Variants in DNAH3 observed in about 807,000 individuals in gnomAD.
DNAH3 encodes the protein dynein axonemal heavy chain 3.
A neutral mutation model predicts 432.5 loss-of-function variants in DNAH3; 332 were observed. That is an observed-to-expected ratio of 0.77 (90% CI 0.70 to 0.84). The LOEUF is 0.84. DNAH3 is among the 40% of genes least tolerant of loss of function. The pLI is 0.00. For missense variants in DNAH3, 4,861 were observed against 5,114.0 expected (o/e 0.95, Z 1.51); for synonymous variants, 1,956 against 1,900.2 (o/e 1.03, Z -0.76).
chr16:21,000,126 T>A, intron 43 of DNAH3, 98 bp downstream of exon 43: 1 of 1,253,892 alleles, frequency 8.0e-7, no homozygotes, highest in Non-Finnish European at 1.1e-6. Flanking sequence ...CCAGGGAGAG[T>A]AAAGGTATGT....
chr16:21,157,474 T>C (rs1414945717), intron 1 of DNAH3, among the ~76,000 whole-genome samples: 2 of 151,584 alleles, frequency 1.3e-5, no homozygotes, highest in East Asian at 3.9e-4. Flanking sequence ...GGATTACAGG[T>C]GCGCACCACC....
intron 40 of DNAH3, among the ~76,000 whole-genome samples, chr16:21,021,130 A>C (rs754446270): frequency 1.1e-4 from 17 of 152,266 alleles, no homozygotes; most frequent in Non-Finnish European, 1.9e-4. Context: ...TTATTTGTTC[A>C]TCCATCGGTA....
At chr16:20,979,427 G>A in exon 50 of DNAH3, 1 of 1,614,142 alleles carries the variant, frequency 6.2e-7, no homozygotes, top group East Asian at 2.2e-5. Context: ...CGTCTTGAAG[G>A]TTAGAATCAA....
At chr16:20,992,498 G>A (rs1222708523) in intron 44 of DNAH3, among the ~76,000 whole-genome samples, 1 of 152,010 alleles carries the variant, frequency 6.6e-6, no homozygotes, top group Non-Finnish European at 1.5e-5. Flanking sequence ...GGCGCACACC[G>A]CCAAGCCCGG....
intron 59 of DNAH3, among the ~76,000 whole-genome samples, chr16:20,939,612 CAAAAAAAA>C: frequency 1.0e-5 from 1 of 97,614 alleles, no homozygotes; most frequent in South Asian, 3.4e-4. Flanking sequence ...GACTCTGTCT[CAAAAAAAA>C]AAAAAAAAAA....
At chr16:21,080,102 G>C (rs1171062898) in intron 20 of DNAH3, among the ~76,000 whole-genome samples, 3 of 146,400 alleles carry the variant, frequency 2.0e-5, no homozygotes, top group Admixed American at 7.1e-5. Flanking sequence ...TTCAAGGCCA[G>C]CCTGGCCAAT....
chr16:21,126,239 A>G (rs901663677), intron 8 of DNAH3, among the ~76,000 whole-genome samples: 5 of 152,180 alleles, frequency 3.3e-5, no homozygotes, highest in African/African-American at 1.2e-4. Flanking sequence ...CATGTCCCCC[A>G]GTTTCTAATT....
intron 15 of DNAH3, chr16:21,104,555 G>GAACA (rs780902490): frequency 1.2e-6 from 2 of 1,613,632 alleles, no homozygotes; most frequent in Admixed American, 3.3e-5. Flanking sequence ...AATCTGGTCT[G>GAACA]GCCAGAGGAA....
chr16:20,978,931 A>G (rs2152655258), intron 50 of DNAH3, among the ~76,000 whole-genome samples: 1 of 152,060 alleles, frequency 6.6e-6, no homozygotes, highest in East Asian at 1.9e-4. Context: ...TGTAGAGATA[A>G]ATTTGGGCCC....
intron 53 of DNAH3, among the ~76,000 whole-genome samples, chr16:20,962,352 G>T (rs75915390): frequency 0.01 from 1,535 of 152,238 alleles, 29 homozygotes; most frequent in African/African-American, 0.034. Context: ...TCACCCCAAA[G>T]ATTTTAATTT....
chr16:21,049,086 T>G (rs1002182524), intron 31 of DNAH3, among the ~76,000 whole-genome samples: 14 of 151,972 alleles, frequency 9.2e-5, no homozygotes, highest in African/African-American at 3.1e-4. Flanking sequence ...CTCGAACTCC[T>G]GGGCTCAAGC....
intron 31 of DNAH3, among the ~76,000 whole-genome samples, chr16:21,044,436 T>A (rs1271068509): frequency 3.8e-5 from 5 of 130,468 alleles, no homozygotes; most frequent in African/African-American, 1.5e-4. Flanking sequence ...TTTGAAGCAA[T>A]TGTGAATGGG....
At chr16:21,115,899 G>A (rs2092187869) in intron 12 of DNAH3, among the ~76,000 whole-genome samples, 1 of 152,068 alleles carries the variant, frequency 6.6e-6, no homozygotes, top group Admixed American at 6.6e-5. Context: ...TTTTTGACTA[G>A]GTTAGCAGTT....
intron 41 of DNAH3, among the ~76,000 whole-genome samples, chr16:21,013,047 G>A (rs938083079): frequency 6.6e-6 from 1 of 152,062 alleles, no homozygotes; most frequent in Non-Finnish European, 1.5e-5. Flanking sequence ...TTACAGGTGT[G>A]AGCCACCGTG....
intron 18 of DNAH3, among the ~76,000 whole-genome samples, chr16:21,095,475 G>A (rs1198872829): frequency 6.6e-6 from 1 of 152,158 alleles, no homozygotes; most frequent in African/African-American, 2.4e-5. Flanking sequence ...CCATTTGTAG[G>A]AGGAGCCTCA....
intron 51 of DNAH3, among the ~76,000 whole-genome samples, chr16:20,973,062 C>G (rs62034882): frequency 0.054 from 8,174 of 152,024 alleles, 290 homozygotes; most frequent in Non-Finnish European, 0.082. Flanking sequence ...GACACATAGG[C>G]TGCTTTTTAA....
rs1372145235 is a variant in DNAH3 at position 21,062,480 on chromosome 16, A to G, written c.3720+2T>C. On this transcript the variant is annotated splice_donor_variant, in intron 25 of 61. Coordinates refer to ENST00000261383, the Ensembl canonical transcript of DNAH3. LOFTEE classifies it high-confidence loss of function. The stretch of plus-strand genomic sequence containing the variant: ...GAACCAAAAATGGGTAAGAGGAGTT[A>G]CCTTGGCATTAGCTGGGTAGATTTT... 2 of 1,613,972 alleles carry G rather than the reference A, an allele frequency of 1.2e-6. No individual in the cohort carries two copies. Among genetic ancestry groups the G allele is most frequent in the Admixed American group, 3.3e-5 (2 of 60,016 alleles).
chr16:20,975,375 TG>T lies in DNAH3; in HGVS notation c.8116del (p.Gln2706AsnfsTer12). 1 of 1,614,208 alleles carries T rather than the reference TG, an allele frequency of 6.2e-7. No individual in the cohort carries two copies. On this transcript the variant is annotated frameshift_variant, in exon 51 of 62. Transcript: ENST00000261383. LOFTEE classifies it high-confidence loss of function. Reference sequence around the variant, plus strand: ...AGTTTCCTCGGAGGTGAGGATGAGTTGAGGTTGAAGAGCTGTCAGTTCTCTT... The same window carrying T: ...AGTTTCCTCGGAGGTGAGGATGAGTTAGGTTGAAGAGCTGTCAGTTCTCTT...
At chr16:21,011,389 G>A (rs1207773049) in intron 41 of DNAH3, among the ~76,000 whole-genome samples, 1 of 152,144 alleles carries the variant, frequency 6.6e-6, no homozygotes, top group Non-Finnish European at 1.5e-5. Context: ...CACCCAGGCT[G>A]GAGTGCAGTG....
Sources: allele counts gnomAD v4.1 joint callset (sites outside exome capture counted in the v4.1 genomes callset), GRCh38; gene constraint gnomAD v4.1.1; transcripts MANE v1.5; gene names NCBI Gene and HGNC (gene_info 2026-07-23, HGNC 2026-07-21).